The following ETNK1 variants were observed in gnomAD, a reference collection of about 807,000 sequenced individuals.
The protein encoded by ETNK1 is putative protein product of Nbla10396.
Under a neutral mutation model 45.1 loss-of-function variants are expected in ETNK1, and 8 were observed. The observed-to-expected ratio is 0.18, with a 90% CI of 0.10 to 0.32. ETNK1 has a LOEUF of 0.32. Among genes scored for constraint, ETNK1 ranks in the 10% least tolerant of loss-of-function variants. The pLI is 1.00. For missense variants in ETNK1, 302 were observed against 430.6 expected, an observed-to-expected ratio of 0.70 and a Z score of 2.64; for synonymous variants, 152 against 151.9, an observed-to-expected ratio of 1.00 and a Z score of -0.01.
At chr12:22,635,713 A>T (rs545380289) in intron 1 of ETNK1, among the ~76,000 whole-genome samples, 1 of 152,336 alleles carries the variant, frequency 6.6e-6, no homozygotes, top group Admixed American at 6.5e-5. Context: ...AAAAATTGTT[A>T]TAAAAACATA....
chr12:22,627,647 A>C (rs1953521231), intron 1 of ETNK1, among the ~76,000 whole-genome samples: 1 of 152,136 alleles, frequency 6.6e-6, no homozygotes, highest in South Asian at 2.1e-4. Context: ...TTTCCCTTGA[A>C]ATAGATAAGA....
At chr12:22,662,242 A>AT (rs774396641) in intron 4 of ETNK1, among the ~76,000 whole-genome samples, 5,980 of 73,432 alleles carry the variant, frequency 0.081, 297 homozygotes, top group African/African-American at 0.16. Context: ...TAATTTTTGT[A>AT]TTTTTTTTTT....
intron 4 of ETNK1, among the ~76,000 whole-genome samples, chr12:22,668,960 T>C (rs936423955): frequency 5.9e-5 from 9 of 152,202 alleles, no homozygotes; most frequent in African/African-American, 1.9e-4. Context: ...ATTCTAAATA[T>C]AATTTTGAAA....
chr12:22,662,579 G>C (rs1444182295), intron 4 of ETNK1, among the ~76,000 whole-genome samples: 1 of 151,874 alleles, frequency 6.6e-6, no homozygotes, highest in Non-Finnish European at 1.5e-5. Context: ...ATTTGTTTTT[G>C]TGGAGATGGA....
intron 6 of ETNK1, among the ~76,000 whole-genome samples, chr12:22,683,430 GC>G (rs1353186696): frequency 6.6e-6 from 1 of 151,760 alleles, no homozygotes; most frequent in Non-Finnish European, 1.5e-5. Context: ...AGTGCAGAGT[GC>G]TTTTTAAATA....
chr12:22,672,743 A>G lies in ETNK1; in HGVS notation c.785-757A>G, dbSNP rs148891285. On this transcript the variant is annotated intron_variant, in intron 5 of 7. Coordinates refer to ENST00000266517, the MANE Select transcript of ETNK1 (RefSeq NM_018638.5). ...TGAACTACTTACTTTTATAGGATAT[A>G]GAATTCATGAAGGAGACTACAGAGT... is the stretch of plus-strand genomic sequence containing the variant. Among the ~76,000 whole-genome samples the G allele has an allele frequency of 1.4e-3, 219 of 152,374 alleles. 1 individual carries two copies. Among genetic ancestry groups the G allele is most frequent in the Middle Eastern group, 3.4e-3 (1 of 294 alleles).
chr12:22,682,872 G>A (rs941217128), intron 6 of ETNK1, among the ~76,000 whole-genome samples: 3 of 152,082 alleles, frequency 2.0e-5, no homozygotes, highest in African/African-American at 7.2e-5. Context: ...TGGGTTCATC[G>A]ACCACTTTAA....
At chr12:22,646,015 CCA>C (rs1953803259) in intron 2 of ETNK1, among the ~76,000 whole-genome samples, 1 of 151,674 alleles carries the variant, frequency 6.6e-6, no homozygotes, top group Non-Finnish European at 1.5e-5. Context: ...TTGAATTGCC[CCA>C]CAGTTTTGCA....
At chr12:22,668,106 G>A (rs1392621448) in intron 4 of ETNK1, among the ~76,000 whole-genome samples, 1 of 152,100 alleles carries the variant, frequency 6.6e-6, no homozygotes, top group African/African-American at 2.4e-5. Context: ...ACTTTTTAAA[G>A]GTCAGGGGTC....
At chr12:22,663,324 A>G (rs2137560054) in intron 4 of ETNK1, among the ~76,000 whole-genome samples, 1 of 152,336 alleles carries the variant, frequency 6.6e-6, no homozygotes, top group Non-Finnish European at 1.5e-5. Flanking sequence ...TTCATCTTAC[A>G]TTTGAAGTGG....
At position 22,673,803 on chromosome 12, in the gene ETNK1, A is replaced by C. The variant is rs569020172; in HGVS notation, c.945+143A>C. ...ATGTAAATACATGACCATTTACAGT[A>C]TGCATTACCCCATTGCATTAGTTTT... On this transcript the variant is annotated intron_variant, in intron 6 of 7. Coordinates refer to ENST00000266517, the MANE Select transcript of ETNK1 (RefSeq NM_018638.5). 1.8e-5 allele frequency: 15 copies of C among 822,912 alleles called. No individual in the cohort carries two copies. The Admixed American group carries it at 2.0e-4, about 11-fold the overall frequency. The allele number at this position is 822,912 out of a possible 1,614,324, so 51.0% of individuals were successfully genotyped here.
At chr12:22,670,196 C>A (rs1166097647) in intron 4 of ETNK1, among the ~76,000 whole-genome samples, 1 of 151,958 alleles carries the variant, frequency 6.6e-6, no homozygotes, top group Non-Finnish European at 1.5e-5. Context: ...TGTGTAAAGA[C>A]CGGGAATTTG....
At chr12:22,650,007 C>G (rs1953854466) in intron 2 of ETNK1, among the ~76,000 whole-genome samples, 1 of 151,896 alleles carries the variant, frequency 6.6e-6, no homozygotes, top group African/African-American at 2.4e-5. Context: ...TCATATAAAT[C>G]TTGTACATAG....
rs75601404 is a variant in ETNK1, at chr12:22,637,607, C to A, written c.157-6156C>A. Among the ~76,000 whole-genome samples, 1,800 of 152,184 alleles carry A rather than the reference C, an allele frequency of 0.012. 73 individuals carry two copies. The East Asian group carries it at 0.13, about 11-fold the overall frequency. On this transcript the variant is annotated intron_variant, in intron 1 of 7. Coordinates refer to ENST00000266517, the MANE Select transcript of ETNK1 (RefSeq NM_018638.5). ...GCTGACTTGGATTCCTATTCCCATT[C>A]CTTGAGGGCTTTATAGCCCAATTTG...
chr12:22,639,609 G>A (rs140671278), intron 1 of ETNK1, among the ~76,000 whole-genome samples: 10,722 of 151,940 alleles, frequency 0.071, 475 homozygotes, highest in South Asian at 0.14. Context: ...CCTGGGGGGC[G>A]GAGGTTGCAG....
In ETNK1 at chr12:22,649,408, A is replaced by G. The variant is rs374911271; in HGVS notation, c.416+5386A>G. 1.2e-4 allele frequency among the ~76,000 whole-genome samples: 18 copies of G among 152,180 alleles called. 1 individual carries two copies. Among genetic ancestry groups the G allele is most frequent in the African/African-American group, 3.8e-4 (16 of 41,566 alleles). On this transcript the variant is annotated intron_variant, in intron 2 of 7. Transcript: ENST00000266517. ...AATTTTAATGAAGAGTGTAAGGTCTATGTCTAGATTCATGTTTTTGCACGT... is the reference window on the plus strand; with the variant it reads ...AATTTTAATGAAGAGTGTAAGGTCTGTGTCTAGATTCATGTTTTTGCACGT...
chr12:22,644,605 C>A, intron 2 of ETNK1: 1 of 186,088 alleles, frequency 5.4e-6, no homozygotes. Context: ...AGTTTGCAAC[C>A]ATTTTGGTCT....
chr12:22,673,274 A>T (rs966687078), intron 5 of ETNK1, among the ~76,000 whole-genome samples: 1 of 152,182 alleles, frequency 6.6e-6, no homozygotes, highest in Non-Finnish European at 1.5e-5. Context: ...AATTGAAGCT[A>T]TGAGAATTGA....
rs1954254556 is a variant in ETNK1, at chr12:22,685,641, C to A, written c.*687C>A. On this transcript the variant is annotated 3_prime_UTR_variant, in exon 8 of 8. Coordinates refer to ENST00000266517, the MANE Select transcript of ETNK1 (RefSeq NM_018638.5). ...CTGGCAGTATAAATATAAATATTTA[C>A]CATATAATCTTGGAATAAGTATTAG... The A allele has an allele frequency of 6.6e-6, 1 of 151,642 alleles. No individual in the cohort carries two copies. Among genetic ancestry groups the A allele is most frequent in the Non-Finnish European group, 1.5e-5 (1 of 67,728 alleles). 9.4% of individuals were successfully genotyped at this position (151,642 alleles called of 1,614,324 possible). A position where few individuals can be genotyped will look rare whatever the true frequency, so the allele number is the denominator to read the frequency against.
Sources: allele counts gnomAD v4.1 joint callset (sites outside exome capture counted in the v4.1 genomes callset), GRCh38; gene constraint gnomAD v4.1.1; transcripts MANE v1.5; gene names NCBI Gene and HGNC (gene_info 2026-07-23, HGNC 2026-07-21).